The following NTN1 variants were observed in gnomAD, a reference collection of about 807,000 sequenced individuals.
NTN1 encodes the protein netrin-1.
NTN1 carries 11 observed loss-of-function variants against 54.2 expected under a neutral mutation model. That is an observed-to-expected ratio of 0.20 (90% CI 0.13 to 0.34). The LOEUF (loss-of-function observed/expected upper bound fraction) is 0.34, where lower values mean the gene tolerates loss of function less well. Ranked by LOEUF, NTN1 falls within the 10% of genes least tolerant of loss-of-function variation. NTN1 has a pLI of 1.00. For synonymous variants in NTN1, 371 were observed against 382.0 expected, an observed-to-expected ratio of 0.97 and a Z score of 0.33; for missense variants, 740 against 893.1, an observed-to-expected ratio of 0.83 and a Z score of 2.18.
chr17:9,168,200 T>A (rs2092378035), intron 3 of NTN1, among the ~76,000 whole-genome samples: 1 of 152,168 alleles, frequency 6.6e-6, no homozygotes, highest in African/African-American at 2.4e-5. Context: ...ATGATTATCT[T>A]GATGATAACT....
intron 2 of NTN1, among the ~76,000 whole-genome samples, chr17:9,121,672 C>T (rs563864236): frequency 2.0e-5 from 3 of 152,286 alleles, no homozygotes; most frequent in South Asian, 2.1e-4. Flanking sequence ...GGTACCCCAC[C>T]GGGTCAGCTG....
At chr17:9,079,008 A>C (rs2092060899) in intron 2 of NTN1, among the ~76,000 whole-genome samples, 1 of 152,240 alleles carries the variant, frequency 6.6e-6, no homozygotes, top group African/African-American at 2.4e-5. Flanking sequence ...TGGCTTCTAC[A>C]ATCCTAATGG....
In NTN1 at chr17:9,239,277, C is replaced by T. The variant is rs1161000011; in HGVS notation, c.1487-363C>T. 2.6e-5 allele frequency among the ~76,000 whole-genome samples: 4 copies of T among 152,314 alleles called. No individual in the cohort carries two copies. In the East Asian group the frequency reaches 7.7e-4, roughly 29 times the overall value. ...GCACCCCTGAGGAACCTCCCTCTCCCCGCCAGCACTGCTCTCACCCGAGCG... is the reference window on the plus strand; with the variant it reads ...GCACCCCTGAGGAACCTCCCTCTCCTCGCCAGCACTGCTCTCACCCGAGCG... On this transcript the variant is annotated intron_variant, in intron 6 of 6. Coordinates refer to ENST00000173229, the MANE Select transcript of NTN1 (RefSeq NM_004822.3). The surrounding 1 kb of genome is among the most constrained non-coding windows in gnomAD (Gnocchi z 5.2).
At chr17:9,048,281 A>G (rs1035563343) in intron 2 of NTN1, among the ~76,000 whole-genome samples, 8 of 151,450 alleles carry the variant, frequency 5.3e-5, no homozygotes, top group African/African-American at 9.7e-5. Context: ...GATGAGATGC[A>G]TTGTCAATGA....
Position 9,191,068 on chromosome 17 carries a change from G to C in NTN1, c.1411+8099G>C, listed in dbSNP as rs575624533. Among the ~76,000 whole-genome samples the C allele has an allele frequency of 7.2e-5, 11 of 152,248 alleles. No homozygotes were observed. The East Asian group carries it at 1.9e-3, about 27-fold the overall frequency. On this transcript the variant is annotated intron_variant, in intron 5 of 6. Transcript: ENST00000173229. Reference sequence around the variant, plus strand: ...TCAGCATATGTCCTTAAATGTTCTAGAATAAAATATATATGAATATCAATG... The same window carrying C: ...TCAGCATATGTCCTTAAATGTTCTACAATAAAATATATATGAATATCAATG...
intron 2 of NTN1, among the ~76,000 whole-genome samples, chr17:9,131,397 CT>C (rs1028371135): frequency 1.3e-5 from 2 of 152,198 alleles, no homozygotes; most frequent in Non-Finnish European, 2.9e-5. Flanking sequence ...GCCACATCCC[CT>C]GTGCCTGGCG....
the NTN1 span, among the ~76,000 whole-genome samples, chr17:9,010,230 C>T: frequency 6.6e-6 from 1 of 152,222 alleles, no homozygotes; most frequent in Non-Finnish European, 1.5e-5. Flanking sequence ...AAATGAAGAA[C>T]TCCTGGGGTC....
the NTN1 span, among the ~76,000 whole-genome samples, chr17:9,007,500 A>C: frequency 5.4e-4 from 45 of 83,250 alleles, no homozygotes; most frequent in African/African-American, 9.5e-4. Flanking sequence ...CTTTCTCTTT[A>C]TCTTTCTTTC....
At chr17:9,014,564 C>T in the NTN1 span, among the ~76,000 whole-genome samples, 1 of 152,184 alleles carries the variant, frequency 6.6e-6, no homozygotes, top group African/African-American at 2.4e-5. Flanking sequence ...TAGGAAGTGG[C>T]ACACTGGAAC....
In NTN1 at chr17:9,086,544, G is replaced by A. The variant is rs562452452; in HGVS notation, c.1018+63153G>A. ...TGTGAGAGGTTAGAACGGGTGCTAT[G>A]GAAGCAGGAGGAAGAGGTACCAGAG... On this transcript the variant is annotated intron_variant, in intron 2 of 6. Coordinates refer to ENST00000173229, the MANE Select transcript of NTN1 (RefSeq NM_004822.3). Among the ~76,000 whole-genome samples, 109 of 152,252 alleles carry A rather than the reference G, an allele frequency of 7.2e-4. 4 individuals are homozygous for A. The South Asian group carries it at 0.022, about 31-fold the overall frequency.
chr17:9,155,680 G>C (rs2092339850), intron 2 of NTN1, among the ~76,000 whole-genome samples: 1 of 152,202 alleles, frequency 6.6e-6, no homozygotes, highest in East Asian at 1.9e-4. Flanking sequence ...TTTGCACTTA[G>C]AGAACAGCAT....
intron 2 of NTN1, among the ~76,000 whole-genome samples, chr17:9,034,731 C>T (rs1169027958): frequency 6.6e-6 from 1 of 151,732 alleles, no homozygotes; most frequent in Non-Finnish European, 1.5e-5. Context: ...CCTTGTTATT[C>T]TTAAGTAAAC....
chr17:9,114,954 C>G (rs1349209417), intron 2 of NTN1, among the ~76,000 whole-genome samples: 1 of 152,194 alleles, frequency 6.6e-6, no homozygotes. Flanking sequence ...GTCTGTATTT[C>G]TAGAACCTGA....
intron 2 of NTN1, among the ~76,000 whole-genome samples, chr17:9,125,427 C>T (rs2092243894): frequency 6.6e-6 from 1 of 151,834 alleles, no homozygotes; most frequent in Admixed American, 6.6e-5. Flanking sequence ...GGGGTTTCAC[C>T]ATGTTGGGCA....
chr17:9,157,648 G>A (rs4300689), intron 2 of NTN1, among the ~76,000 whole-genome samples: 8,172 of 152,308 alleles, frequency 0.054, 316 homozygotes, highest in Non-Finnish European at 0.087. Context: ...CATCCTTGGT[G>A]ATCCTCACAT....
chr17:9,012,921 T>G, the NTN1 span, among the ~76,000 whole-genome samples: 1 of 152,236 alleles, frequency 6.6e-6, no homozygotes, highest in Non-Finnish European at 1.5e-5. Context: ...CTTTTACTTT[T>G]CTTAGTAGCA....
rs377435744 is a variant in NTN1, at chr17:9,204,193, CTCCTTCCTTCCT to C, written c.1412-16957_1412-16946del. On this transcript the variant is annotated intron_variant, in intron 5 of 6. Coordinates refer to ENST00000173229, the MANE Select transcript of NTN1 (RefSeq NM_004822.3). Reference sequence around the variant, plus strand: ...TAGTAACCGTTCCTTCCTTCCTTCCCTCCTTCCTTCCTTCCTTCCTTCCTTCCTTTTCTTTCT... The same window carrying C: ...TAGTAACCGTTCCTTCCTTCCTTCCCTCCTTCCTTCCTTCCTTTTCTTTCT... Among the ~76,000 whole-genome samples, 105 of 147,154 alleles carry C rather than the reference CTCCTTCCTTCCT, an allele frequency of 7.1e-4. 2 individuals are homozygous for C. In the East Asian group the frequency reaches 9.9e-3, roughly 14 times the overall value.
At chr17:9,181,655 C>T (rs997154508) in intron 4 of NTN1, among the ~76,000 whole-genome samples, 2 of 152,184 alleles carry the variant, frequency 1.3e-5, no homozygotes, top group Non-Finnish European at 2.9e-5. Flanking sequence ...CTCAGATTTG[C>T]CCCCGGCCTG....
intron 2 of NTN1, among the ~76,000 whole-genome samples, chr17:9,052,377 T>G (rs933925906): frequency 1.3e-5 from 2 of 152,158 alleles, no homozygotes; most frequent in Admixed American, 6.5e-5. Flanking sequence ...CCCCGGCAGG[T>G]CCACCTCTCA....
Sources: gnomAD v4.1 joint callset for allele counts (sites outside exome capture counted in the v4.1 genomes callset) on GRCh38, gnomAD v4.1.1 for gene constraint, Gnocchi (gnomAD v3.1) non-coding constraint, MANE v1.5 for transcripts, NCBI Gene and HGNC (gene_info 2026-07-23, HGNC 2026-07-21) for gene names.